The following LPAR3 variants were observed in gnomAD, a reference collection of about 807,000 sequenced individuals.
LPAR3 encodes lysophosphatidic acid receptor 3.
Under a neutral mutation model 17.8 loss-of-function variants are expected in LPAR3, and 7 were observed. That is an observed-to-expected ratio of 0.39 (90% CI 0.22 to 0.74). The LOEUF (loss-of-function observed/expected upper bound fraction) is 0.74, where lower values mean the gene tolerates loss of function less well. Among genes scored for constraint, LPAR3 ranks in the 30% least tolerant of loss-of-function variants. The pLI is 0.40. For missense variants in LPAR3, 391 were observed against 453.4 expected (o/e 0.86, Z 1.25); for synonymous variants, 179 against 179.9 (o/e 0.99, Z 0.04).
intron 1 of LPAR3, among the ~76,000 whole-genome samples, chr1:84,892,202 G>A (rs1283102953): frequency 6.7e-6 from 1 of 148,896 alleles, no homozygotes; most frequent in African/African-American, 2.5e-5. Flanking sequence ...GATAGTGCGA[G>A]ACTGTGTCTC....
rs200517029 is a variant in LPAR3 at position 84,879,316 on chromosome 1, C to CTTTTCTT, written c.-18-13179_-18-13178insAAGAAAA. 1.2e-3 allele frequency among the ~76,000 whole-genome samples: 141 copies of CTTTTCTT among 120,622 alleles called. 1 individual carries two copies. The Middle Eastern group carries it at 0.022, about 19-fold the overall frequency. 79.1% of individuals were successfully genotyped at this position (120,622 alleles called of 152,430 possible). On this transcript the variant is annotated intron_variant, in intron 1 of 2. Transcript: ENST00000370611. ...TTTTCTTTCTTTTCTTTTCTTTTTTCTTTTTTTTTTTTTGAGATGGAATCT... is the reference window on the plus strand; with the variant it reads ...TTTTCTTTCTTTTCTTTTCTTTTTTCTTTTCTTTTTTTTTTTTTTTGAGATGGAATCT...
Position 84,814,064 on chromosome 1 carries a change from C to G in LPAR3, c.844G>C (p.Ala282Pro), listed in dbSNP as rs998255397. 8 of 1,614,168 alleles carry G rather than the reference C, an allele frequency of 5.0e-6. No individual in the cohort carries two copies. Among genetic ancestry groups the G allele is most frequent in the Non-Finnish European group, 6.8e-6 (8 of 1,180,038 alleles). ...QHVKRWFLLL[A>P]LLNSVVNPII... is the part of the protein sequence containing the mutation. ...GGGTTCACGACGGAGTTGAGCAGCG[C>G]CAGCAGCAGGAACCACCTTTTCACA... The change falls in exon 3 of 3, where the codon GCG (alanine) becomes CCG (proline). Residue 282 changes from alanine (A) to proline (P), a missense_variant. Physicochemically the swap from Ala to Pro is conservative, Grantham distance 27 (BLOSUM62 -1). Coordinates refer to ENST00000370611, the MANE Select transcript of LPAR3 (RefSeq NM_012152.3).
chr1:84,868,298 C>T (rs1471009770), intron 1 of LPAR3, among the ~76,000 whole-genome samples: 1 of 152,036 alleles, frequency 6.6e-6, no homozygotes, highest in East Asian at 1.9e-4. Flanking sequence ...TTAGTAGAGA[C>T]GGGGTTTCAC....
intron 2 of LPAR3, among the ~76,000 whole-genome samples, chr1:84,845,958 A>C (rs546231680): frequency 6.6e-6 from 1 of 152,320 alleles, no homozygotes; most frequent in South Asian, 2.1e-4. Context: ...CCAATTCCAC[A>C]CAGCCACAAT....
intron 2 of LPAR3, among the ~76,000 whole-genome samples, chr1:84,842,551 GT>G (rs1659523085): frequency 6.6e-6 from 1 of 152,192 alleles, no homozygotes; most frequent in Admixed American, 6.5e-5. Context: ...AAGTAGATTA[GT>G]TTTCATTTTG....
chr1:84,888,591 A>C (rs1236029169), intron 1 of LPAR3, among the ~76,000 whole-genome samples: 4 of 152,190 alleles, frequency 2.6e-5, no homozygotes, highest in Admixed American at 2.6e-4. Context: ...TCTACAGAGG[A>C]TGTGCTTCGG....
chr1:84,837,622 C>T (rs1005402751), intron 2 of LPAR3, among the ~76,000 whole-genome samples: 5 of 152,126 alleles, frequency 3.3e-5, no homozygotes, highest in Admixed American at 3.3e-4. Flanking sequence ...TGTTATTACA[C>T]CTACACACAA....
chr1:84,855,325 C>A (rs570937918), intron 2 of LPAR3, among the ~76,000 whole-genome samples: 2 of 152,156 alleles, frequency 1.3e-5, no homozygotes, highest in South Asian at 4.2e-4. Context: ...AGTGATATGA[C>A]GCCTGAGTCA....
intron 2 of LPAR3, among the ~76,000 whole-genome samples, chr1:84,833,111 C>G (rs1659321502): frequency 6.6e-6 from 1 of 152,104 alleles, no homozygotes; most frequent in East Asian, 1.9e-4. Context: ...AAATCAAACA[C>G]CCTAAGTTCA....
chr1:84,838,164 G>C (rs1347470012), intron 2 of LPAR3, among the ~76,000 whole-genome samples: 3 of 152,122 alleles, frequency 2.0e-5, no homozygotes, highest in Non-Finnish European at 2.9e-5. Context: ...ACAAGCAGGG[G>C]ATCCTTGCGG....
At chr1:84,844,678 A>C (rs572748535) in intron 2 of LPAR3, among the ~76,000 whole-genome samples, 1 of 152,324 alleles carries the variant, frequency 6.6e-6, no homozygotes, top group East Asian at 1.9e-4. Flanking sequence ...AATTAGACAT[A>C]TGTTTATACA....
chr1:84,820,524 A>G (rs1370423177), intron 2 of LPAR3, among the ~76,000 whole-genome samples: 1 of 152,188 alleles, frequency 6.6e-6, no homozygotes, highest in Non-Finnish European at 1.5e-5. Context: ...CATCTGGGTA[A>G]TTCCAAGTGG....
At chr1:84,849,923 C>G (rs913587425) in intron 2 of LPAR3, among the ~76,000 whole-genome samples, 6 of 152,166 alleles carry the variant, frequency 3.9e-5, no homozygotes, top group African/African-American at 1.4e-4. Flanking sequence ...TAGCTAAGGC[C>G]AAGCATTCCA....
chr1:84,856,670 A>G (rs987862636), intron 2 of LPAR3, among the ~76,000 whole-genome samples: 21 of 152,252 alleles, frequency 1.4e-4, no homozygotes, highest in African/African-American at 5.1e-4. Context: ...AAACTTTCCA[A>G]TCCTAGCAAA....
rs569501425 is a variant in LPAR3 at position 84,816,939 on chromosome 1, A to G, written c.737-2768T>C. On this transcript the variant is annotated intron_variant, in intron 2 of 2. Coordinates refer to ENST00000370611, the MANE Select transcript of LPAR3 (RefSeq NM_012152.3). Reference sequence around the variant, plus strand: ...CCCAGGAAAAGTCTGTGCTTTCTCTATGTGATGCCCTTCAGGTTTTTGAAG... The same window carrying G: ...CCCAGGAAAAGTCTGTGCTTTCTCTGTGTGATGCCCTTCAGGTTTTTGAAG... Among the ~76,000 whole-genome samples, 44 of 152,162 alleles carry G rather than the reference A, an allele frequency of 2.9e-4. 1 individual carries two copies. Among genetic ancestry groups the G allele is most frequent in the Non-Finnish European group, 6.0e-4 (41 of 68,020 alleles).
chr1:84,866,391 T>C (rs1415531289), intron 1 of LPAR3, among the ~76,000 whole-genome samples: 1 of 152,192 alleles, frequency 6.6e-6, no homozygotes, highest in Admixed American at 6.5e-5. Context: ...CTCTATTTTG[T>C]TCACCATTAC....
intron 2 of LPAR3, among the ~76,000 whole-genome samples, chr1:84,823,365 C>T (rs1227514509): frequency 6.6e-6 from 1 of 151,778 alleles, no homozygotes; most frequent in African/African-American, 2.4e-5. Flanking sequence ...AGATTGTCAC[C>T]GATGTGAAAG....
intron 2 of LPAR3, among the ~76,000 whole-genome samples, chr1:84,864,015 T>C (rs1436978195): frequency 6.6e-6 from 1 of 151,404 alleles, no homozygotes; most frequent in African/African-American, 2.4e-5. Flanking sequence ...AGTTCGAGAG[T>C]AGCCTGGGCA....
chr1:84,860,592 C>T (rs1018615151), intron 2 of LPAR3, among the ~76,000 whole-genome samples: 1 of 152,174 alleles, frequency 6.6e-6, no homozygotes, highest in Non-Finnish European at 1.5e-5. Context: ...CCATCCTTTC[C>T]TCTTCTGAAA....
Sources: allele counts gnomAD v4.1 joint callset (sites outside exome capture counted in the v4.1 genomes callset), GRCh38; gene constraint gnomAD v4.1.1; transcripts MANE v1.5; gene names NCBI Gene and HGNC (gene_info 2026-07-23, HGNC 2026-07-21).